RABGEF1: variants seen among roughly 807,000 people sequenced by gnomAD.
The protein encoded by RABGEF1 is RAB guanine nucleotide exchange factor 1, also known as rab5 GDP/GTP exchange factor.
RABGEF1 carries 26 observed loss-of-function variants against 57.3 expected under a neutral mutation model. The ratio of observed to expected loss-of-function variants is 0.45; its 90% CI spans 0.33 to 0.63. The LOEUF is 0.63. Ranked by LOEUF, RABGEF1 falls within the 20% of genes least tolerant of loss-of-function variation. The probability of loss-of-function intolerance (pLI) is 0.02; values close to 1 mark genes in which losing one functional copy is unlikely to be tolerated. For missense variants in RABGEF1, 464 were observed against 607.6 expected, an observed-to-expected ratio of 0.76 and a Z score of 2.48; for synonymous variants, 185 against 210.7, an observed-to-expected ratio of 0.88 and a Z score of 1.06.
chr7:66,797,545 T>TA, intron 6 of RABGEF1, 39 bp downstream of exon 6: 4 of 1,590,106 alleles, frequency 2.5e-6, no homozygotes, highest in Non-Finnish European at 3.4e-6. Context: ...GTTACTACCT[T>TA]CTAATGGAAG....
chr7:66,795,289 G>T (rs569839745), intron 4 of RABGEF1, among the ~76,000 whole-genome samples: 1 of 152,280 alleles, frequency 6.6e-6, no homozygotes, highest in African/African-American at 2.4e-5. Context: ...AGACGGACAA[G>T]GATCCCGTCT....
intron 4 of RABGEF1, among the ~76,000 whole-genome samples, chr7:66,792,400 G>C (rs1812925795): frequency 1.3e-5 from 2 of 152,350 alleles, no homozygotes; most frequent in South Asian, 4.1e-4. Context: ...CTGGGTCAGA[G>C]ACAAAGGCCA....
At chr7:66,776,680 G>T (rs931779756) in intron 3 of RABGEF1, among the ~76,000 whole-genome samples, 1 of 152,152 alleles carries the variant, frequency 6.6e-6, no homozygotes, top group Non-Finnish European at 1.5e-5. Context: ...GGGTGACAGA[G>T]CAAGACCCTG....
chr7:66,670,571 G>A, the RABGEF1 span, among the ~76,000 whole-genome samples: 13 of 151,474 alleles, frequency 8.6e-5, no homozygotes, highest in South Asian at 2.1e-4. Context: ...TTAGCTGGGC[G>A]CGGTGGCTCA....
intron 1 of RABGEF1, among the ~76,000 whole-genome samples, chr7:66,754,307 C>T (rs1055232845): frequency 4.6e-5 from 7 of 151,756 alleles, no homozygotes; most frequent in Non-Finnish European, 2.9e-5. Flanking sequence ...AGGCCTTTGC[C>T]ATCAGTTTTT....
At chr7:66,720,526 G>A (rs1795928829) in intron 2 of RABGEF1, among the ~76,000 whole-genome samples, 1 of 150,258 alleles carries the variant, frequency 6.7e-6, no homozygotes, top group South Asian at 2.1e-4. Flanking sequence ...AAAAAAATCA[G>A]CAAACTAAAT....
intron 1 of RABGEF1, among the ~76,000 whole-genome samples, chr7:66,710,602 T>TA (rs1033815287): frequency 1.3e-5 from 2 of 152,230 alleles, no homozygotes; most frequent in African/African-American, 2.4e-5. Context: ...TGGTATCCTC[T>TA]TATGGTTTTA....
At chr7:66,716,945 A>C (rs959639189) in intron 2 of RABGEF1, among the ~76,000 whole-genome samples, 1 of 151,874 alleles carries the variant, frequency 6.6e-6, no homozygotes, top group Admixed American at 6.6e-5. Flanking sequence ...TACCCCACTA[A>C]GTTTTGTATT....
intron 2 of RABGEF1, among the ~76,000 whole-genome samples, chr7:66,730,941 A>C (rs1304517301): frequency 6.6e-6 from 1 of 152,146 alleles, no homozygotes; most frequent in East Asian, 1.9e-4. Flanking sequence ...CAGAACTGGC[A>C]GGGGTGGGGT....
At chr7:66,733,005 C>G (rs543697260) in intron 2 of RABGEF1, among the ~76,000 whole-genome samples, 2 of 152,292 alleles carry the variant, frequency 1.3e-5, no homozygotes, top group Non-Finnish European at 2.9e-5. Flanking sequence ...GCCTGACGCC[C>G]TTCCCCAGCT....
chr7:66,722,147 A>T (rs11762548), intron 2 of RABGEF1, among the ~76,000 whole-genome samples: 1 of 151,724 alleles, frequency 6.6e-6, no homozygotes. Context: ...ACAGAATAGG[A>T]CCCTGTCTCA....
At chr7:66,773,248 A>T (rs780680722) in intron 2 of RABGEF1, among the ~76,000 whole-genome samples, 5 of 152,154 alleles carry the variant, frequency 3.3e-5, no homozygotes, top group Non-Finnish European at 7.4e-5. Flanking sequence ...CAGGGTTTCC[A>T]CTGCATGCCT....
chr7:66,767,349 G>T (rs1375259373), intron 1 of RABGEF1, among the ~76,000 whole-genome samples: 5 of 151,962 alleles, frequency 3.3e-5, no homozygotes, highest in African/African-American at 1.2e-4. Flanking sequence ...GATCTGGGAG[G>T]AGTATAATGG....
At chr7:66,668,591 G>A in the RABGEF1 span, among the ~76,000 whole-genome samples, 75,687 of 152,002 alleles carry the variant, frequency 0.5, 19,784 homozygotes, top group African/African-American at 0.65. Context: ...TGGGCCGGGG[G>A]TGAAAGCCCA....
the RABGEF1 span, among the ~76,000 whole-genome samples, chr7:66,677,000 C>G: frequency 6.6e-6 from 1 of 152,148 alleles, no homozygotes; most frequent in Non-Finnish European, 1.5e-5. Context: ...ATTGCCAAAT[C>G]CAAAGTCATG....
chr7:66,701,554 G>T (rs945164527), intron 1 of RABGEF1, among the ~76,000 whole-genome samples: 2 of 150,222 alleles, frequency 1.3e-5, no homozygotes, highest in Non-Finnish European at 3.0e-5. Context: ...TCTTGCCCAG[G>T]CTGGAGTGCA....
intron 2 of RABGEF1, chr7:66,774,022 T>C (rs955161988): frequency 9.8e-6 from 3 of 306,674 alleles, no homozygotes; most frequent in African/African-American, 6.7e-5. Flanking sequence ...GCCAAATTTA[T>C]TGCTTTTATT....
the RABGEF1 span, among the ~76,000 whole-genome samples, chr7:66,658,488 C>T: frequency 2.1e-4 from 31 of 146,486 alleles, no homozygotes; most frequent in Admixed American, 7.7e-4. Context: ...GCTGAGATCG[C>T]ACCATTGTGC....
intron 1 of RABGEF1, among the ~76,000 whole-genome samples, chr7:66,751,779 G>T (rs913522394): frequency 1.3e-5 from 2 of 152,128 alleles, no homozygotes; most frequent in Admixed American, 6.6e-5. Flanking sequence ...ATTTTCAGAG[G>T]CTTTTAGTTT....
Sources: allele counts gnomAD v4.1 joint callset (sites outside exome capture counted in the v4.1 genomes callset), GRCh38; gene constraint gnomAD v4.1.1; transcripts MANE v1.5; gene names NCBI Gene and HGNC (gene_info 2026-07-23, HGNC 2026-07-21).